Variants in GALNTL6 observed in about 807,000 individuals in gnomAD.
GALNTL6 encodes the protein polypeptide N-acetylgalactosaminyltransferase-like 6.
GALNTL6 carries 46 observed loss-of-function variants against 73.7 expected under a neutral mutation model. The observed-to-expected ratio is 0.62, with a 90% CI of 0.49 to 0.80. GALNTL6 has a LOEUF of 0.80. Ranked by LOEUF, GALNTL6 falls within the 30% of genes least tolerant of loss-of-function variation. The pLI is 0.00. For missense variants in GALNTL6, 604 were observed against 755.0 expected (o/e 0.80, Z 2.34); for synonymous variants, 259 against 263.7 (o/e 0.98, Z 0.17).
At chr4:172,586,856 G>C (rs1167521294) in intron 5 of GALNTL6, among the ~76,000 whole-genome samples, 1 of 152,200 alleles carries the variant, frequency 6.6e-6, no homozygotes, top group Admixed American at 6.5e-5. Flanking sequence ...TTGGGGAGTA[G>C]AGCAAGTGTT....
intron 5 of GALNTL6, among the ~76,000 whole-genome samples, chr4:172,736,827 G>A (rs775799638): frequency 9.2e-5 from 14 of 152,082 alleles, no homozygotes; most frequent in East Asian, 1.9e-4. Flanking sequence ...CTGACTTCCC[G>A]CAATAGTGGG....
At chr4:172,902,743 A>G (rs1470920620) in intron 8 of GALNTL6, among the ~76,000 whole-genome samples, 1 of 152,174 alleles carries the variant, frequency 6.6e-6, no homozygotes, top group Non-Finnish European at 1.5e-5. Context: ...TGTCCCACCT[A>G]TGCGGTAAGC....
intron 8 of GALNTL6, among the ~76,000 whole-genome samples, chr4:172,916,462 T>A (rs1747515985): frequency 6.6e-6 from 1 of 152,206 alleles, no homozygotes; most frequent in Non-Finnish European, 1.5e-5. Context: ...AAATTGTCTC[T>A]GTTTGCAGAT....
chr4:172,707,586 T>C (rs999295665), intron 5 of GALNTL6, among the ~76,000 whole-genome samples: 1 of 152,196 alleles, frequency 6.6e-6, no homozygotes, highest in Non-Finnish European at 1.5e-5. Context: ...CTTTGTTAAC[T>C]GTTGTTAAAG....
chr4:172,201,373 A>AT (rs34119328), intron 2 of GALNTL6, among the ~76,000 whole-genome samples: 4,884 of 151,758 alleles, frequency 0.032, 250 homozygotes, highest in African/African-American at 0.11. Context: ...CGCCTGGCTA[A>AT]TTTTTTGTAT....
intron 10 of GALNTL6, among the ~76,000 whole-genome samples, chr4:173,002,638 C>A (rs577239424): frequency 5.4e-5 from 8 of 148,472 alleles, no homozygotes; most frequent in African/African-American, 2.0e-4. Context: ...ACTAAAAATA[C>A]AAAAAAATTA....
chr4:172,885,636 A>G, intron 8 of GALNTL6, among the ~76,000 whole-genome samples: 1 of 152,162 alleles, frequency 6.6e-6, no homozygotes, highest in East Asian at 1.9e-4. Context: ...TCTTCTTCTA[A>G]ATCTTAGTGG....
intron 8 of GALNTL6, among the ~76,000 whole-genome samples, chr4:172,893,078 G>T (rs114135775): frequency 6.6e-6 from 1 of 152,144 alleles, no homozygotes; most frequent in Non-Finnish European, 1.5e-5. Context: ...GTGGGGCCAA[G>T]CCAGCTCACA....
At chr4:172,466,618 T>G (rs1732830962) in intron 5 of GALNTL6, among the ~76,000 whole-genome samples, 1 of 152,170 alleles carries the variant, frequency 6.6e-6, no homozygotes, top group Non-Finnish European at 1.5e-5. Flanking sequence ...AATAGAGAAG[T>G]CTGTACTCAT....
At chr4:172,002,983 C>T (rs745729524) in intron 2 of GALNTL6, among the ~76,000 whole-genome samples, 1 of 152,100 alleles carries the variant, frequency 6.6e-6, no homozygotes, top group African/African-American at 2.4e-5. Context: ...GTGTCAATAA[C>T]AGTATCATTT....
intron 5 of GALNTL6, among the ~76,000 whole-genome samples, chr4:172,777,741 G>GT (rs77808991): frequency 3.4e-4 from 52 of 151,132 alleles, no homozygotes; most frequent in African/African-American, 9.0e-4. Context: ...AAGGAGGTGG[G>GT]TTTTTTTTTC....
intron 5 of GALNTL6, among the ~76,000 whole-genome samples, chr4:172,472,855 G>A (rs968426428): frequency 5.9e-5 from 9 of 152,158 alleles, no homozygotes; most frequent in African/African-American, 2.2e-4. Context: ...CCGTAGAACT[G>A]TAAAAGAATA....
intron 2 of GALNTL6, among the ~76,000 whole-genome samples, chr4:172,048,334 A>T (rs1742276220): frequency 6.6e-6 from 1 of 152,198 alleles, no homozygotes; most frequent in Admixed American, 6.6e-5. Flanking sequence ...CAGAATACCC[A>T]GAAGCCAAAA....
intron 3 of GALNTL6, among the ~76,000 whole-genome samples, chr4:172,296,546 T>C (rs866243788): frequency 1.3e-5 from 2 of 152,122 alleles, no homozygotes; most frequent in Non-Finnish European, 2.9e-5. Flanking sequence ...CAGTGTGTGA[T>C]GTTCCCCTTC....
intron 2 of GALNTL6, among the ~76,000 whole-genome samples, chr4:172,087,469 AAAAAAAAC>A (rs1336691957): frequency 1.0e-3 from 142 of 140,776 alleles, no homozygotes; most frequent in African/African-American, 3.4e-3. Flanking sequence ...CAAAAAAAAC[AAAAAAAAC>A]AAAATAGAGC....
intron 5 of GALNTL6, among the ~76,000 whole-genome samples, chr4:172,567,226 T>G (rs1171018623): frequency 6.6e-6 from 1 of 151,998 alleles, no homozygotes; most frequent in Non-Finnish European, 1.5e-5. Context: ...ATAGTCTGGC[T>G]TACTTTGGAG....
chr4:172,854,488 T>C (rs1744020603), intron 7 of GALNTL6, among the ~76,000 whole-genome samples: 1 of 152,208 alleles, frequency 6.6e-6, no homozygotes, highest in Admixed American at 6.5e-5. Context: ...GAGCCTTTTA[T>C]GTTTTTATAA....
intron 2 of GALNTL6, among the ~76,000 whole-genome samples, chr4:172,207,071 C>T (rs1290237493): frequency 2.0e-5 from 3 of 151,812 alleles, no homozygotes; most frequent in Admixed American, 2.0e-4. Context: ...CCCCCCTTGG[C>T]CTCCCAAAGT....
At chr4:171,943,331 A>T (rs1039847103) in intron 2 of GALNTL6, among the ~76,000 whole-genome samples, 2 of 152,152 alleles carry the variant, frequency 1.3e-5, no homozygotes, top group African/African-American at 4.8e-5. Context: ...AGCCTTCCAA[A>T]GGATTCCTAT....
Sources: allele counts gnomAD v4.1 joint callset (sites outside exome capture counted in the v4.1 genomes callset), GRCh38; gene constraint gnomAD v4.1.1; transcripts MANE v1.5; gene names NCBI Gene and HGNC (gene_info 2026-07-23, HGNC 2026-07-21).